The following BLK variants were observed in gnomAD, a reference collection of about 807,000 sequenced individuals.
The protein encoded by BLK is tyrosine-protein kinase Blk.
BLK carries 64 observed loss-of-function variants against 61.8 expected under a neutral mutation model. That is an observed-to-expected ratio of 1.03 (90% confidence interval 0.85 to 1.27). The LOEUF (loss-of-function observed/expected upper bound fraction) is 1.27. Among genes scored for constraint, BLK ranks in the 50% most tolerant of loss-of-function variants. The pLI is 0.00. For synonymous variants in BLK, 351 were observed against 272.0 expected (o/e 1.29, Z -2.86); for missense variants, 853 against 660.5 (o/e 1.29, Z -3.19).
intron 6 of BLK, chr8:11,553,341 C>A: frequency 2.4e-6 from 1 of 418,134 alleles, no homozygotes; most frequent in South Asian, 1.8e-5. Context: ...GAGCCAGGCC[C>A]TGCCTGCCCA....
intron 10 of BLK, chr8:11,560,286 C>T (rs1801445237): frequency 1.1e-5 from 2 of 185,870 alleles, no homozygotes; most frequent in South Asian, 1.8e-4. Flanking sequence ...TGGATGGATC[C>T]ATGGATGGAT....
chr8:11,559,785 T>G lies in BLK; in HGVS notation c.1030-1517T>G, dbSNP rs1434066695. 6.6e-6 allele frequency: 3 copies of G among 456,274 alleles called. 1 individual carries two copies. In the Admixed American group the frequency reaches 7.0e-5, roughly 11 times the overall value. The allele number at this position is 456,274 out of a possible 1,614,324, so 28.3% of individuals were successfully genotyped here. ...CAGGAAGCCTTGAACACTTCCCACC[T>G]GGCAGAATCCTTATCATCATCCATG... On this transcript the variant is annotated intron_variant, in intron 10 of 12. Transcript: ENST00000259089.
intron 1 of BLK, among the ~76,000 whole-genome samples, chr8:11,523,128 A>T (rs1799518541): frequency 6.6e-6 from 1 of 152,212 alleles, no homozygotes; most frequent in Admixed American, 6.5e-5. Flanking sequence ...TATTTCTATC[A>T]TCTAGGAGTG....
At chr8:11,536,580 G>T (rs537414136) in intron 1 of BLK, among the ~76,000 whole-genome samples, 1 of 152,058 alleles carries the variant, frequency 6.6e-6, no homozygotes, top group East Asian at 1.9e-4. Context: ...GCTAATTTTT[G>T]TATTTGTGGT....
chr8:11,504,309 C>A (rs1444975386), intron 1 of BLK, among the ~76,000 whole-genome samples: 2 of 141,580 alleles, frequency 1.4e-5, no homozygotes, highest in African/African-American at 5.4e-5. Flanking sequence ...AGCAACAGAG[C>A]GAGATTCCAT....
chr8:11,549,601 C>T (rs73663161), intron 5 of BLK, among the ~76,000 whole-genome samples: 5,060 of 152,310 alleles, frequency 0.033, 244 homozygotes, highest in African/African-American at 0.11. Context: ...CTCGGCCAGC[C>T]AGAGCCCCCA....
chr8:11,520,501 A>G (rs1319531619), intron 1 of BLK, among the ~76,000 whole-genome samples: 2 of 142,750 alleles, frequency 1.4e-5, no homozygotes, highest in Non-Finnish European at 3.1e-5. Flanking sequence ...AAAAAAAAAA[A>G]AGGAAGAAAG....
intron 1 of BLK, among the ~76,000 whole-genome samples, chr8:11,529,645 A>G (rs1455903488): frequency 1.3e-5 from 2 of 152,164 alleles, no homozygotes; most frequent in African/African-American, 2.4e-5. Flanking sequence ...AAAGGCATCT[A>G]GTTCCCAGGA....
rs980105504 is a variant in BLK at position 11,561,356 on chromosome 8, C to T, written c.1084C>T (p.Arg362Trp). The change falls in exon 11 of 13, where the codon CGG (arginine) becomes TGG (tryptophan). Residue 362 changes from arginine (R) to tryptophan (W), a missense_variant. Physicochemically the swap from Arg to Trp is moderately radical, Grantham distance 101 (BLOSUM62 -3). Coordinates refer to ENST00000259089, the MANE Select transcript of BLK (RefSeq NM_001715.3). ...CATGAATTCCATCCACCGCGACCTG[C>T]GGGCGGCCAACATCCTGGTGTCTGA... ...ERMNSIHRDLRAANILVSEAL... is the reference protein window; with the variant it reads ...ERMNSIHRDLWAANILVSEAL... The T allele has an allele frequency of 1.2e-5, 19 of 1,613,966 alleles. No individual in the cohort carries two copies. The highest frequency in any genetic ancestry group is 8.0e-5 in the African/African-American group (6 of 74,934).
chr8:11,535,890 G>A (rs921430569), intron 1 of BLK, among the ~76,000 whole-genome samples: 10 of 152,164 alleles, frequency 6.6e-5, no homozygotes, highest in African/African-American at 1.4e-4. Context: ...TCACAAGGAC[G>A]CAAAATCCAA....
In BLK at chr8:11,557,997, A is replaced by T. The variant is rs772096603; in HGVS notation, c.988A>T (p.Ser330Cys). The change falls in exon 10 of 13, where the codon AGC becomes TGC. Residue 330 changes from serine (S) to cysteine (C), a missense_variant. Ser to Cys is a moderately radical substitution (Grantham distance 112, BLOSUM62 -1). Transcript: ENST00000259089. ...LLDFLKTDEG[S>C]RLSLPRLIDM... Reference sequence around the variant, plus strand: ...GGATTTCCTGAAGACAGATGAAGGGAGCAGATTGTCACTCCCAAGGCTGAT... The same window carrying T: ...GGATTTCCTGAAGACAGATGAAGGGTGCAGATTGTCACTCCCAAGGCTGAT... The T allele has an allele frequency of 6.2e-7, 1 of 1,614,068 alleles. No homozygotes were observed. Among genetic ancestry groups the T allele is most frequent in the Non-Finnish European group, 8.5e-7 (1 of 1,179,966 alleles).
intron 1 of BLK, among the ~76,000 whole-genome samples, chr8:11,541,280 T>A (rs1414275992): frequency 6.6e-6 from 1 of 151,978 alleles, no homozygotes; most frequent in African/African-American, 2.4e-5. Context: ...AACAAAATAA[T>A]TAGCAAATAA....
intron 1 of BLK, among the ~76,000 whole-genome samples, chr8:11,515,755 C>T (rs17153385): frequency 0.13 from 19,474 of 152,214 alleles, 1,537 homozygotes; most frequent in East Asian, 0.25. Context: ...GCGCTGCATG[C>T]GGGGATGGCC....
intron 9 of BLK, chr8:11,557,748 A>G (rs1174453012): frequency 1.1e-5 from 6 of 536,042 alleles, no homozygotes; most frequent in Non-Finnish European, 2.1e-5. Context: ...AACTGCTGGT[A>G]TATTGGCTGC....
chr8:11,531,390 A>G (rs1585366976), intron 1 of BLK, among the ~76,000 whole-genome samples: 1 of 152,298 alleles, frequency 6.6e-6, no homozygotes, highest in East Asian at 1.9e-4. Context: ...AGGGAATAGA[A>G]GGTCACGTTT....
intron 1 of BLK, among the ~76,000 whole-genome samples, chr8:11,530,379 A>G (rs1456084713): frequency 6.6e-6 from 1 of 152,190 alleles, no homozygotes. Context: ...ACAAGGTAGG[A>G]GGTCAGTTCC....
intron 1 of BLK, among the ~76,000 whole-genome samples, chr8:11,526,824 T>A (rs553991596): frequency 1.3e-5 from 2 of 152,350 alleles, no homozygotes; most frequent in Admixed American, 1.3e-4. Flanking sequence ...AATCAGGCAC[T>A]ACAATAATAT....
At position 11,554,827 on chromosome 8, in the gene BLK, G is replaced by T. The variant is rs753255781; in HGVS notation, c.557G>T (p.Gly186Val). The change falls in exon 7 of 13, where the codon GGC (glycine) becomes GTC (valine). Residue 186 changes from glycine to valine, a missense_variant. Gly to Val is a moderately radical substitution (Grantham distance 109, BLOSUM62 -3). Transcript: ENST00000259089. Reference sequence around the variant, plus strand: ...AAGATCCGCTGCCTGGATGAAGGGGGCTACTACATCTCCCCCCGGATCACC... The same window carrying T: ...AAGATCCGCTGCCTGGATGAAGGGGTCTACTACATCTCCCCCCGGATCACC... ...HYKIRCLDEGGYYISPRITFP... is the reference protein window; with the variant it reads ...HYKIRCLDEGVYYISPRITFP... 6.8e-6 allele frequency: 11 copies of T among 1,613,988 alleles called. No individual in the cohort carries two copies. The highest frequency in any genetic ancestry group is 9.3e-6 in the Non-Finnish European group (11 of 1,179,986).
intron 2 of BLK, among the ~76,000 whole-genome samples, chr8:11,544,884 T>C (rs374287544): frequency 1.1e-3 from 170 of 152,322 alleles, no homozygotes; most frequent in African/African-American, 3.8e-3. Context: ...CACACTTGTA[T>C]AGCCACCTCC....
Sources: allele counts gnomAD v4.1 joint callset (sites outside exome capture counted in the v4.1 genomes callset), GRCh38; gene constraint gnomAD v4.1.1; transcripts MANE v1.5; gene names NCBI Gene and HGNC (gene_info 2026-07-23, HGNC 2026-07-21).